Variants in TGM6 observed in about 807,000 individuals in gnomAD.
TGM6 encodes the protein protein-glutamine gamma-glutamyltransferase 6.
In TGM6, 74 loss-of-function variants were observed where a neutral mutation model predicts 77.5. That is an observed-to-expected ratio of 0.96 (90% CI 0.79 to 1.16). TGM6 has a LOEUF of 1.16. Among genes scored for constraint, TGM6 ranks in the 50% most tolerant of loss-of-function variants. The pLI is 0.00. For missense variants in TGM6, 968 were observed against 940.2 expected, an observed-to-expected ratio of 1.03 and a Z score of -0.39; for synonymous variants, 383 against 378.9, an observed-to-expected ratio of 1.01 and a Z score of -0.12.
intron 9 of TGM6, among the ~76,000 whole-genome samples, chr20:2,413,385 G>T (rs1251580553): frequency 6.6e-6 from 1 of 152,082 alleles, no homozygotes; most frequent in African/African-American, 2.4e-5. Context: ...CTCCACCCTG[G>T]GTGACAGAGT....
Position 2,400,332 on chromosome 20 carries a change from CG to C in TGM6, c.880del (p.Val294SerfsTer15). 1 of 1,614,194 alleles carries C rather than the reference CG, an allele frequency of 6.2e-7. No homozygotes were observed. The highest frequency in any genetic ancestry group is 8.5e-7 in the Non-Finnish European group (1 of 1,180,036). On this transcript the variant is annotated frameshift_variant, in exon 7 of 13. Transcript: ENST00000202625. LOFTEE classifies it high-confidence loss of function. ...CCTCAGGTGCTTGGGGATAGCCACA[CG>C]GGTCGTGTCCAACTTCAACTCAGCC... ...TVLRCLGIAT[R>X]VVSNFNSAHD...
chr20:2,430,359 C>T, intron 10 of TGM6, 87 bp from the exon 11 acceptor site: 1 of 1,521,276 alleles, frequency 6.6e-7, no homozygotes, highest in Non-Finnish European at 9.1e-7. Flanking sequence ...GAGAAAGGAG[C>T]TATTAGTTGT....
At position 2,396,587 on chromosome 20, in the gene TGM6, A is replaced by G. The variant is rs1436963361; in HGVS notation, c.506A>G (p.Glu169Gly). 1.2e-6 allele frequency: 2 copies of G among 1,614,214 alleles called. No individual in the cohort carries two copies. Among genetic ancestry groups the G allele is most frequent in the Admixed American group, 3.3e-5 (2 of 60,034 alleles). Residue 169 changes from glutamate (E) to glycine (G), a missense_variant, in exon 4 of 13, where the codon GAG becomes GGG. By Grantham distance (98) the Glu-to-Gly change is moderately conservative (BLOSUM62 -2). Coordinates refer to ENST00000202625, the MANE Select transcript of TGM6 (RefSeq NM_198994.3). ...SDSGIIFRGV[E>G]KHIRAQGWNY... ...AGCGGCATCATCTTCCGAGGCGTGG[A>G]GAAGCACATACGAGCCCAGGGCTGG... is the stretch of plus-strand genomic sequence containing the variant.
chr20:2,404,607 C>T (rs2084737240), intron 9 of TGM6, among the ~76,000 whole-genome samples: 1 of 151,968 alleles, frequency 6.6e-6, no homozygotes, highest in African/African-American at 2.4e-5. Flanking sequence ...CCCTTTTCTG[C>T]TCTCTAGCAT....
At chr20:2,430,686 T>C (rs1474647915) in intron 11 of TGM6, 86 bp downstream of exon 11, 5 of 1,605,140 alleles carry the variant, frequency 3.1e-6, no homozygotes, top group Non-Finnish European at 4.3e-6. Flanking sequence ...TGGGGGGGTT[T>C]GTGCCTTTAA....
In TGM6 at chr20:2,432,561, G is replaced by A. The variant is rs2084930695; in HGVS notation, c.2039G>A (p.Arg680Lys). The A allele has an allele frequency of 6.2e-7, 1 of 1,614,012 alleles. No individual in the cohort carries two copies. The highest frequency in any genetic ancestry group is 1.7e-5 in the Admixed American group (1 of 59,988). ...FDITPSKSGP[R>K]QLQVDLVSPH... ...ATCACCCCCTCCAAAAGTGGCCCAAGGCAGCTGCAGGTGGACCTTGTAAGC... is the reference window on the plus strand; with the variant it reads ...ATCACCCCCTCCAAAAGTGGCCCAAAGCAGCTGCAGGTGGACCTTGTAAGC... Residue 680 changes from arginine to lysine, a missense_variant, in exon 13 of 13, where the codon AGG (arginine) becomes AAG (lysine). By Grantham distance (26) the Arg-to-Lys change is conservative (BLOSUM62 2). Transcript: ENST00000202625.
At chr20:2,426,257 G>T (rs1281806225) in intron 10 of TGM6, among the ~76,000 whole-genome samples, 1 of 151,892 alleles carries the variant, frequency 6.6e-6, no homozygotes. Flanking sequence ...ATTTTTGGTG[G>T]TGCTAACATA....
Position 2,417,557 on chromosome 20 carries a change from G to C in TGM6, c.1662G>C (p.Arg554Ser). ...TCCTGCATGAATCCCACGCCGTGAG[G>C]CTGGGGCCGCAAGAAGGTAAGTGTA... ...AEILHESHAVRLGPQEEKRIP... is the reference protein window; with the variant it reads ...AEILHESHAVSLGPQEEKRIP... Residue 554 changes from arginine (R) to serine (S), a missense_variant, in exon 10 of 13, where the codon AGG (arginine) becomes AGC (serine). Physicochemically the swap from Arg to Ser is moderately radical, Grantham distance 110. Coordinates refer to ENST00000202625, the MANE Select transcript of TGM6 (RefSeq NM_198994.3). 1 of 1,602,118 alleles carries C rather than the reference G, an allele frequency of 6.2e-7. No individual in the cohort carries two copies. The highest frequency in any genetic ancestry group is 8.5e-7 in the Non-Finnish European group (1 of 1,179,710).
chr20:2,419,676 C>G (rs561139616), intron 10 of TGM6, among the ~76,000 whole-genome samples: 1 of 152,142 alleles, frequency 6.6e-6, no homozygotes, highest in Non-Finnish European at 1.5e-5. Flanking sequence ...ATGCCCTGCT[C>G]TTTTCATATT....
At position 2,396,624 on chromosome 20, in the gene TGM6, G is replaced by A; in HGVS notation, c.543G>A (p.Gln181=). The change falls in exon 4 of 13, where the codon CAG becomes CAA. Residue 181 remains glutamine, a splice_region_variant and synonymous_variant. Coordinates refer to ENST00000202625, the MANE Select transcript of TGM6 (RefSeq NM_198994.3). ...HIRAQGWNYG[Q]FEEDILNICL... is the part of the protein sequence containing the mutation. ...GAGCCCAGGGCTGGAACTACGGGCA[G>A]GTCTCCAGGGGCACAGGCCAGACAA... 3 of 1,614,124 alleles carry A rather than the reference G, an allele frequency of 1.9e-6. No individual in the cohort carries two copies. The highest frequency in any genetic ancestry group is 2.5e-6 in the Non-Finnish European group (3 of 1,179,966).
At chr20:2,400,274 T>A in intron 6 of TGM6, 32 bp from the exon 7 acceptor site, 42 of 1,613,390 alleles carry the variant, frequency 2.6e-5, no homozygotes, top group Non-Finnish European at 3.5e-5. Flanking sequence ...GGGGCCAGGG[T>A]CCCGCCTGCT....
At chr20:2,406,831 CAAAAAAAAAAAAAAAAAAA>C (rs3050731) in intron 9 of TGM6, among the ~76,000 whole-genome samples, 26 of 63,712 alleles carry the variant, frequency 4.1e-4, no homozygotes, top group South Asian at 6.7e-4. Context: ...CGAAACTCCT[CAAAAAAAAAAAAAAAAAAA>C]AAAAAAAAAA....
chr20:2,395,429 G>T lies in TGM6; in HGVS notation c.417G>T (p.Trp139Cys), dbSNP rs1434749609. 4 of 1,614,258 alleles carry T rather than the reference G, an allele frequency of 2.5e-6. No individual in the cohort carries two copies. The highest frequency in any genetic ancestry group is 1.3e-5 in the African/African-American group (1 of 75,060). The change falls in exon 3 of 13, where the codon TGG becomes TGT. Residue 139 changes from tryptophan (W) to cysteine (C), a missense_variant. Transcript: ENST00000202625. ...LGEFVLLFNP[W>C]CAEDDVFLAS... ...AGTTTGTTCTCCTTTTCAACCCATGGTGTGCAGGTAGGAGTGGCCAAGTCC... is the reference window on the plus strand; with the variant it reads ...AGTTTGTTCTCCTTTTCAACCCATGTTGTGCAGGTAGGAGTGGCCAAGTCC...
chr20:2,394,512 A>G lies in TGM6; in HGVS notation c.68A>G (p.Gln23Arg). 6.2e-7 allele frequency: 1 copy of G among 1,611,850 alleles called. No individual in the cohort carries two copies. Among genetic ancestry groups the G allele is most frequent in the Non-Finnish European group, 8.5e-7 (1 of 1,179,856 alleles). The part of the protein sequence containing the change: ...RSRNGAAHHT[Q>R]EYPCPELVVR... ...AGGAATGGCGCTGCCCACCACACCC[A>G]GGAGTACCCCTGCCCTGAGCTGGTG... Residue 23 changes from glutamine to arginine, a missense_variant, in exon 2 of 13, where the codon CAG becomes CGG. Gln to Arg is a conservative substitution (Grantham distance 43, BLOSUM62 1). Coordinates refer to ENST00000202625, the MANE Select transcript of TGM6 (RefSeq NM_198994.3).
At chr20:2,419,131 G>T (rs2084839184) in intron 10 of TGM6, among the ~76,000 whole-genome samples, 1 of 152,002 alleles carries the variant, frequency 6.6e-6, no homozygotes, top group Non-Finnish European at 1.5e-5. Context: ...CTTTTTGCCG[G>T]TATCTCCCTC....
chr20:2,413,953 G>T (rs1466646892), intron 9 of TGM6, among the ~76,000 whole-genome samples: 1 of 152,130 alleles, frequency 6.6e-6, no homozygotes, highest in Non-Finnish European at 1.5e-5. Context: ...TGGAAAGATA[G>T]CCCATGGAAT....
intron 1 of TGM6, among the ~76,000 whole-genome samples, chr20:2,383,573 G>A (rs2122320131): frequency 6.6e-6 from 1 of 152,296 alleles, no homozygotes; most frequent in Non-Finnish European, 1.5e-5. Context: ...CTTGAGCAGG[G>A]AAAATGACAT....
chr20:2,416,238 A>C (rs1311127747), intron 9 of TGM6, among the ~76,000 whole-genome samples: 1 of 152,204 alleles, frequency 6.6e-6, no homozygotes, highest in Non-Finnish European at 1.5e-5. Flanking sequence ...TGTCTCAAAA[A>C]CAAACAGACA....
chr20:2,388,195 T>C (rs537232338), intron 1 of TGM6, among the ~76,000 whole-genome samples: 7 of 152,216 alleles, frequency 4.6e-5, no homozygotes, highest in Non-Finnish European at 1.0e-4. Flanking sequence ...GGAGATATTA[T>C]TGCAACCACC....
Sources: allele counts gnomAD v4.1 joint callset (sites outside exome capture counted in the v4.1 genomes callset), GRCh38; gene constraint gnomAD v4.1.1; transcripts MANE v1.5; gene names NCBI Gene and HGNC (gene_info 2026-07-23, HGNC 2026-07-21).